The following NRG1 variants were observed in gnomAD, a reference collection of about 807,000 sequenced individuals.
The protein encoded by NRG1 is pro-neuregulin-1, membrane-bound isoform.
In NRG1, 18 loss-of-function variants were observed where a neutral mutation model predicts 63.8. That is an observed-to-expected ratio of 0.28 (90% confidence interval 0.19 to 0.42). The LOEUF is 0.42. Among genes scored for constraint, NRG1 ranks in the 10% least tolerant of loss-of-function variants. NRG1 has a pLI of 1.00. For synonymous variants in NRG1, 302 were observed against 301.3 expected, an observed-to-expected ratio of 1.00 and a Z score of -0.02; for missense variants, 762 against 814.7, an observed-to-expected ratio of 0.94 and a Z score of 0.79.
chr8:32,275,156 C>T (rs887288121), intron 1 of NRG1, among the ~76,000 whole-genome samples: 2 of 152,122 alleles, frequency 1.3e-5, no homozygotes, highest in African/African-American at 4.8e-5. Context: ...GGACAGCTCC[C>T]GCCTCTGTGT....
chr8:31,653,192 T>C (rs1009777067), intron 1 of NRG1, among the ~76,000 whole-genome samples: 9 of 152,024 alleles, frequency 5.9e-5, no homozygotes, highest in Non-Finnish European at 8.8e-5. Flanking sequence ...AAAGTTTCTA[T>C]AATGAATGCA....
chr8:32,333,941 T>C (rs16879145), intron 1 of NRG1, among the ~76,000 whole-genome samples: 14,528 of 152,216 alleles, frequency 0.095, 967 homozygotes, highest in African/African-American at 0.18. Flanking sequence ...TCCATCTCTG[T>C]GATTCCATTG....
chr8:31,903,128 T>G (rs927463534), intron 1 of NRG1, among the ~76,000 whole-genome samples: 3 of 150,284 alleles, frequency 2.0e-5, no homozygotes, highest in Non-Finnish European at 3.0e-5. Flanking sequence ...CTTCAGATGA[T>G]TCTGGCCTAG....
chr8:32,529,558 A>C (rs1426238475), intron 1 of NRG1, among the ~76,000 whole-genome samples: 4 of 152,132 alleles, frequency 2.6e-5, no homozygotes, highest in Non-Finnish European at 5.9e-5. Context: ...AGCTGTGCAA[A>C]AATATTCTTT....
At chr8:32,691,987 A>G (rs971711655) in intron 5 of NRG1, among the ~76,000 whole-genome samples, 1 of 152,206 alleles carries the variant, frequency 6.6e-6, no homozygotes, top group Admixed American at 6.5e-5. Flanking sequence ...TTGAACATCC[A>G]CCATATATAT....
At chr8:32,557,095 C>T (rs1051471620) in intron 1 of NRG1, among the ~76,000 whole-genome samples, 2 of 152,034 alleles carry the variant, frequency 1.3e-5, no homozygotes, top group African/African-American at 2.4e-5. Flanking sequence ...AAGCTCCCCC[C>T]ACTGGGTTCA....
At chr8:32,558,600 T>C (rs1363725768) in intron 1 of NRG1, among the ~76,000 whole-genome samples, 1 of 152,182 alleles carries the variant, frequency 6.6e-6, no homozygotes, top group Admixed American at 6.5e-5. Flanking sequence ...GTGCCTCTGA[T>C]ATCACAGGAC....
At chr8:31,757,354 T>C (rs1250110951) in intron 1 of NRG1, among the ~76,000 whole-genome samples, 2 of 152,166 alleles carry the variant, frequency 1.3e-5, no homozygotes, top group Non-Finnish European at 2.9e-5. Flanking sequence ...CTTTCACAAA[T>C]CTCAGTCCTA....
At chr8:32,407,276 T>A (rs1269397612) in intron 1 of NRG1, among the ~76,000 whole-genome samples, 1 of 45,170 alleles carries the variant, frequency 2.2e-5, no homozygotes, top group Non-Finnish European at 4.6e-5. Context: ...ATATATATAT[T>A]ATATATATAT....
At chr8:32,281,324 C>A (rs975678459) in intron 1 of NRG1, among the ~76,000 whole-genome samples, 2 of 151,780 alleles carry the variant, frequency 1.3e-5, no homozygotes, top group African/African-American at 2.4e-5. Context: ...ATGACAGGCA[C>A]CTGCCACCAG....
At chr8:31,769,505 A>C (rs1461070944) in intron 1 of NRG1, among the ~76,000 whole-genome samples, 5 of 152,196 alleles carry the variant, frequency 3.3e-5, no homozygotes, top group Non-Finnish European at 5.9e-5. Flanking sequence ...TTGGGCACAG[A>C]AAAAGAGGGT....
intron 1 of NRG1, among the ~76,000 whole-genome samples, chr8:31,924,393 A>G (rs1265594260): frequency 4.6e-5 from 7 of 151,896 alleles, no homozygotes; most frequent in Admixed American, 3.9e-4. Flanking sequence ...CAAATTGTCA[A>G]CTTCATTGAC....
At chr8:32,504,640 T>G (rs1828311899) in intron 1 of NRG1, among the ~76,000 whole-genome samples, 2 of 152,124 alleles carry the variant, frequency 1.3e-5, no homozygotes, top group Non-Finnish European at 2.9e-5. Flanking sequence ...AGAGATTATT[T>G]TAAGATTTTA....
In NRG1 at chr8:31,859,204, G is replaced by C. The variant is rs570080977; in HGVS notation, c.37+219773G>C. 6.6e-5 allele frequency among the ~76,000 whole-genome samples: 10 copies of C among 152,196 alleles called. No homozygotes were observed. The East Asian group carries it at 1.9e-3, about 29-fold the overall frequency. Reference sequence around the variant, plus strand: ...AATTGCAAAAAGAAAGCCCTTATTAGCTGTTAATAAATATAAAATATATAA... The same window carrying C: ...AATTGCAAAAAGAAAGCCCTTATTACCTGTTAATAAATATAAAATATATAA... On this transcript the variant is annotated intron_variant, in intron 1 of 10. Coordinates refer to the NRG1 transcript ENST00000519301.
chr8:31,876,838 A>C (rs75497706), intron 1 of NRG1, among the ~76,000 whole-genome samples: 1,861 of 152,294 alleles, frequency 0.012, 47 homozygotes, highest in African/African-American at 0.043. Flanking sequence ...TAGTTCTGAC[A>C]CTTGGTTAAA....
intron 1 of NRG1, among the ~76,000 whole-genome samples, chr8:31,763,448 T>A (rs143936845): frequency 6.6e-6 from 1 of 152,350 alleles, no homozygotes; most frequent in Admixed American, 6.5e-5. Flanking sequence ...CCACACCAGA[T>A]TGGGAGCACA....
At chr8:32,364,392 A>G (rs968686549) in intron 1 of NRG1, among the ~76,000 whole-genome samples, 3 of 151,898 alleles carry the variant, frequency 2.0e-5, no homozygotes, top group Non-Finnish European at 4.4e-5. Flanking sequence ...ATATACATAT[A>G]CCTCTTTTGT....
At chr8:32,501,107 A>G (rs1652330429) in intron 1 of NRG1, among the ~76,000 whole-genome samples, 1 of 152,242 alleles carries the variant, frequency 6.6e-6, no homozygotes, top group African/African-American at 2.4e-5. Context: ...TGACTGCGTG[A>G]GCCTTCAGAA....
At chr8:31,999,527 G>A (rs1272839182) in intron 1 of NRG1, among the ~76,000 whole-genome samples, 1 of 151,952 alleles carries the variant, frequency 6.6e-6, no homozygotes, top group East Asian at 1.9e-4. Flanking sequence ...CACCCTCGCG[G>A]AATTTAGACA....
Sources: gnomAD v4.1 joint callset for allele counts (sites outside exome capture counted in the v4.1 genomes callset) on GRCh38, gnomAD v4.1.1 for gene constraint, MANE v1.5 for transcripts, NCBI Gene and HGNC (gene_info 2026-07-23, HGNC 2026-07-21) for gene names.